The following OR2A25 variants were observed in gnomAD, a reference collection of about 807,000 sequenced individuals.
OR2A25 encodes the protein olfactory receptor family 2 subfamily A member 25.
For synonymous variants in OR2A25, 162 were observed against 148.1 expected, an observed-to-expected ratio of 1.09 and a Z score of -0.68; for missense variants, 362 against 368.3, an observed-to-expected ratio of 0.98 and a Z score of 0.14.
rs1318461229 is a variant in OR2A25 at position 144,074,381 on chromosome 7, C to G, written c.162C>G (p.Leu54=). The change falls in exon 2 of 2, where the codon CTC becomes CTG. Residue 54 remains leucine, a synonymous_variant. Transcript: ENST00000641663. ...GGCTCATCTCACTGGACTCCAGACT[C>G]CACACCCCCATGTACTTCTTCCTCT... is the stretch of plus-strand genomic sequence containing the variant. ...ILGLISLDSR[L]HTPMYFFLSH... The G allele has an allele frequency of 6.2e-7, 1 of 1,614,122 alleles. No homozygotes were observed. The highest frequency in any genetic ancestry group is 1.1e-5 in the South Asian group (1 of 91,076).
chr7:144,073,182 G>C (rs1342923469), intron 1 of OR2A25, among the ~76,000 whole-genome samples: 1 of 152,082 alleles, frequency 6.6e-6, no homozygotes, highest in Non-Finnish European at 1.5e-5. Context: ...TGGATTAGAA[G>C]AGTGACTATA....
At chr7:144,070,554 C>G (rs951087098) in intron 1 of OR2A25, among the ~76,000 whole-genome samples, 1 of 151,746 alleles carries the variant, frequency 6.6e-6, no homozygotes, top group Non-Finnish European at 1.5e-5. Context: ...TCAGATATAC[C>G]TAATGTAGAT....
At chr7:144,073,471 T>C (rs2051082591) in intron 1 of OR2A25, among the ~76,000 whole-genome samples, 1 of 151,720 alleles carries the variant, frequency 6.6e-6, no homozygotes, top group African/African-American at 2.4e-5. Flanking sequence ...ATAAGAAGTA[T>C]ACTATATATA....
Position 144,074,501 on chromosome 7 carries a change from T to G in OR2A25, c.282T>G (p.Ala94=), listed in dbSNP as rs563514443. The G allele has an allele frequency of 3.1e-6, 5 of 1,614,252 alleles. No homozygotes were observed. The highest frequency in any genetic ancestry group is 1.6e-4 in the Middle Eastern group (1 of 6,062). The change falls in exon 2 of 2, where the codon GCT becomes GCG. Residue 94 remains alanine, a synonymous_variant. Coordinates refer to ENST00000641663, the MANE Select transcript of OR2A25 (RefSeq NM_001386096.1). ...LLHPAKPISF[A]GCMTQMFLFL... is the part of the protein sequence containing the mutation. The stretch of plus-strand genomic sequence containing the variant: ...ATCCAGCCAAGCCCATCTCCTTTGC[T>G]GGCTGCATGACCCAGATGTTTCTGT...
Position 144,070,136 on chromosome 7 carries a change from G to A in OR2A25, c.-5+240G>A, listed in dbSNP as rs867454490. On this transcript the variant is annotated intron_variant, in intron 1 of 1. Transcript: ENST00000641663. ...AGGACAGGAGCAGATGGCAGTGTGC[G>A]TGATGGGTCTTTATCTCTCCACTGC... Among the ~76,000 whole-genome samples, 133 of 152,182 alleles carry A rather than the reference G, an allele frequency of 8.7e-4. 1 individual carries two copies. The highest frequency in any genetic ancestry group is 2.9e-3 in the African/African-American group (119 of 41,530).
rs553238060 is a variant in OR2A25, at chr7:144,075,477, A to G, written c.*325A>G. ...AGACTTGAAGGCGAATTTTTGTAGA[A>G]TAAGGATATGGGAGTTAGGAGAGAC... On this transcript the variant is annotated 3_prime_UTR_variant, in exon 2 of 2. Coordinates refer to ENST00000641663, the MANE Select transcript of OR2A25 (RefSeq NM_001386096.1). The G allele has an allele frequency of 3.5e-5, 7 of 198,568 alleles. No homozygotes were observed. The South Asian group carries it at 7.5e-4, about 21-fold the overall frequency. 12.3% of individuals were successfully genotyped at this position (198,568 alleles called of 1,614,324 possible). A position where few individuals can be genotyped will look rare whatever the true frequency, so the allele number is the denominator to read the frequency against.
chr7:144,069,896 G>A lies in OR2A25; in HGVS notation c.-5G>A, dbSNP rs2051053069. On this transcript the variant is annotated splice_region_variant and 5_prime_UTR_variant, in exon 1 of 2. Coordinates refer to ENST00000641663, the MANE Select transcript of OR2A25 (RefSeq NM_001386096.1). ...TAAAAACAAGTGAATCTATTTGGAA[G>A]GTTAGTAGGTGGGGATATTTTGGAG... 6.6e-6 allele frequency: 1 copy of A among 152,118 alleles called. No homozygotes were observed. The highest frequency in any genetic ancestry group is 6.6e-5 in the Admixed American group (1 of 15,264). 9.4% of individuals were successfully genotyped at this position (152,118 alleles called of 1,614,324 possible). A position where few individuals can be genotyped will look rare whatever the true frequency, so the allele number is the denominator to read the frequency against.
In OR2A25 at chr7:144,074,336, G is replaced by T. The variant is rs202200327; in HGVS notation, c.117G>T (p.Leu39Phe). Residue 39 changes from leucine (L) to phenylalanine (F), a missense_variant, in exon 2 of 2, where the codon TTG becomes TTT. Physicochemically the swap from Leu to Phe is conservative, Grantham distance 22 (BLOSUM62 0). Transcript: ENST00000641663. ...CCCTGTTCTACATCTTCATTCTGTT[G>T]GGGAACGGGACAATCCTGGGGCTCA... Reference protein sequence around the residue: ...LFSLFYIFILLGNGTILGLIS... With the variant: ...LFSLFYIFILFGNGTILGLIS... 3.2e-5 allele frequency: 51 copies of T among 1,613,960 alleles called. No homozygotes were observed. The African/African-American group carries it at 6.1e-4, about 19-fold the overall frequency.
Position 144,074,562 on chromosome 7 carries a change from G to A in OR2A25, c.343G>A (p.Val115Met). Residue 115 changes from valine to methionine, a missense_variant, in exon 2 of 2, where the codon GTG becomes ATG. Transcript: ENST00000641663. ...SFAHTECLLL[V>M]VMSYDRYVAI... ...TGCACATACAGAATGTCTCCTCCTGGTGGTGATGTCCTATGATCGGTACGT... is the reference window on the plus strand; with the variant it reads ...TGCACATACAGAATGTCTCCTCCTGATGGTGATGTCCTATGATCGGTACGT... 6.2e-7 allele frequency: 1 copy of A among 1,614,184 alleles called. No individual in the cohort carries two copies. Among genetic ancestry groups the A allele is most frequent in the Admixed American group, 1.7e-5 (1 of 60,028 alleles).
chr7:144,070,143 G>A (rs2051054661), intron 1 of OR2A25, among the ~76,000 whole-genome samples: 1 of 152,052 alleles, frequency 6.6e-6, no homozygotes, highest in South Asian at 2.1e-4. Flanking sequence ...TGCGTGATGG[G>A]TCTTTATCTC....
Position 144,074,526 on chromosome 7 carries a change from T to C in OR2A25, c.307T>C (p.Phe103Leu). The C allele has an allele frequency of 6.2e-7, 1 of 1,614,182 alleles. No homozygotes were observed. Among genetic ancestry groups the C allele is most frequent in the Non-Finnish European group, 8.5e-7 (1 of 1,180,038 alleles). ...TGGCTGCATGACCCAGATGTTTCTG[T>C]TTTTGAGTTTTGCACATACAGAATG... ...FAGCMTQMFL[F>L]LSFAHTECLL... is the part of the protein sequence containing the mutation. Residue 103 changes from phenylalanine to leucine, a missense_variant, in exon 2 of 2, where the codon TTT becomes CTT. By Grantham distance (22) the Phe-to-Leu change is conservative. Transcript: ENST00000641663.
Position 144,074,403 on chromosome 7 carries a change from C to T in OR2A25, c.184C>T (p.Leu62Phe). 1 of 1,614,168 alleles carries T rather than the reference C, an allele frequency of 6.2e-7. No homozygotes were observed. The highest frequency in any genetic ancestry group is 8.5e-7 in the Non-Finnish European group (1 of 1,180,016). ...ACTCCACACCCCCATGTACTTCTTC[C>T]TCTCACACCTGGCGGTCGTCGACAT... Reference protein sequence around the residue: ...SRLHTPMYFFLSHLAVVDIAC... With the variant: ...SRLHTPMYFFFSHLAVVDIAC... Residue 62 changes from leucine to phenylalanine, a missense_variant, in exon 2 of 2, where the codon CTC becomes TTC. Coordinates refer to ENST00000641663, the MANE Select transcript of OR2A25 (RefSeq NM_001386096.1).
chr7:144,072,547 T>C (rs563940027), intron 1 of OR2A25, among the ~76,000 whole-genome samples: 11 of 152,140 alleles, frequency 7.2e-5, no homozygotes, highest in African/African-American at 2.6e-4. Context: ...AGCCAGCACT[T>C]TTACTAATGA....
In OR2A25 at chr7:144,074,225, G is replaced by A; in HGVS notation, c.6G>A (p.Gly2=). 2 of 1,613,132 alleles carry A rather than the reference G, an allele frequency of 1.2e-6. No individual in the cohort carries two copies. Among genetic ancestry groups the A allele is most frequent in the Non-Finnish European group, 1.7e-6 (2 of 1,179,442 alleles). The change falls in exon 2 of 2, where the codon GGG becomes GGA. Residue 2 remains glycine, a synonymous_variant. Transcript: ENST00000641663. ...CTTGTTTCTTCTACAGGGAAATGGG[G>A]GGAAATCAGACTTCCATCACAGAGT... M[G]GNQTSITEFL...
rs1563036390 is a variant in OR2A25, at chr7:144,075,826, GTC to G, written c.*677_*678del. 1 of 112,784 alleles carries G rather than the reference GTC, an allele frequency of 8.9e-6. No individual in the cohort carries two copies. Among genetic ancestry groups the G allele is most frequent in the Non-Finnish European group, 1.8e-5 (1 of 55,500 alleles). 7.0% of individuals were successfully genotyped at this position (112,784 alleles called of 1,614,324 possible). ...AACCTGGGGGACACAGCGAGACTCCGTCTCAAAAAAAAAAAAAAGAAAGTGTC... is the reference window on the plus strand; with the variant it reads ...AACCTGGGGGACACAGCGAGACTCCGTCAAAAAAAAAAAAAAGAAAGTGTC... On this transcript the variant is annotated 3_prime_UTR_variant, in exon 2 of 2. Transcript: ENST00000641663.
Position 144,075,205 on chromosome 7 carries a change from C to G in OR2A25, c.*53C>G. 2.4e-6 allele frequency: 3 copies of G among 1,254,900 alleles called. No individual in the cohort carries two copies. The highest frequency in any genetic ancestry group is 3.4e-6 in the Non-Finnish European group (3 of 886,242). The allele number at this position is 1,254,900 out of a possible 1,614,324, so 77.7% of individuals were successfully genotyped here. A position where few individuals can be genotyped will look rare whatever the true frequency, so the allele number is the denominator to read the frequency against. ...GCTTCAAAGGGCTTTGAGATTACAT[C>G]TGAACCCATCCCTACTCAGGATACA... On this transcript the variant is annotated 3_prime_UTR_variant, in exon 2 of 2. Coordinates refer to ENST00000641663, the MANE Select transcript of OR2A25 (RefSeq NM_001386096.1).
intron 1 of OR2A25, 33 bp from the exon 2 acceptor site, chr7:144,074,183 T>G: frequency 6.3e-7 from 1 of 1,586,620 alleles, no homozygotes; most frequent in Non-Finnish European, 8.6e-7. Flanking sequence ...CCTTAGACAT[T>G]CAGACTTGGT....
In OR2A25 at chr7:144,074,542, A is replaced by G. The variant is rs202092146; in HGVS notation, c.323A>G (p.His108Arg). The G allele has an allele frequency of 1.9e-4, 301 of 1,614,112 alleles. No individual in the cohort carries two copies. Among genetic ancestry groups the G allele is most frequent in the Non-Finnish European group, 2.4e-4 (282 of 1,180,060 alleles). ...TQMFLFLSFA[H>R]TECLLLVVMS... ...ATGTTTCTGTTTTTGAGTTTTGCAC[A>G]TACAGAATGTCTCCTCCTGGTGGTG... The change falls in exon 2 of 2, where the codon CAT becomes CGT. Residue 108 changes from histidine to arginine, a missense_variant. By Grantham distance (29) the His-to-Arg change is conservative. Transcript: ENST00000641663.
rs199712223 is a variant in OR2A25 at position 144,074,484 on chromosome 7, A to G, written c.265A>G (p.Lys89Glu). 3.3e-5 allele frequency: 54 copies of G among 1,614,104 alleles called. No individual in the cohort carries two copies. In the Admixed American group the frequency reaches 5.5e-4, roughly 16 times the overall value. Reference protein sequence around the residue: ...QMLVNLLHPAKPISFAGCMTQ... With the variant: ...QMLVNLLHPAEPISFAGCMTQ... ...GCTGGTGAACCTCCTGCATCCAGCCAAGCCCATCTCCTTTGCTGGCTGCAT... is the reference window on the plus strand; with the variant it reads ...GCTGGTGAACCTCCTGCATCCAGCCGAGCCCATCTCCTTTGCTGGCTGCAT... The change falls in exon 2 of 2, where the codon AAG becomes GAG. Residue 89 changes from lysine (K) to glutamate (E), a missense_variant. Physicochemically the swap from Lys to Glu is moderately conservative, Grantham distance 56 (BLOSUM62 1). Transcript: ENST00000641663.
Sources: allele counts gnomAD v4.1 joint callset (sites outside exome capture counted in the v4.1 genomes callset), GRCh38; gene constraint gnomAD v4.1.1; transcripts MANE v1.5; gene names NCBI Gene and HGNC (gene_info 2026-07-23, HGNC 2026-07-21).